SLC22A25: variants seen among roughly 807,000 people sequenced by gnomAD.
The protein encoded by SLC22A25 is solute carrier family 22 member 25.
In SLC22A25, 44 loss-of-function variants were observed where a neutral mutation model predicts 45.9. The observed-to-expected ratio is 0.96, with a 90% CI of 0.75 to 1.23. The LOEUF (loss-of-function observed/expected upper bound fraction) is 1.23, where lower values mean the gene tolerates loss of function less well. SLC22A25 is among the 50% of genes most tolerant of loss of function. The pLI is 0.00. For missense variants in SLC22A25, 800 were observed against 666.4 expected, an observed-to-expected ratio of 1.20 and a Z score of -2.21; for synonymous variants, 283 against 238.6, an observed-to-expected ratio of 1.19 and a Z score of -1.72.
At position 63,229,920 on chromosome 11, in the gene SLC22A25, G is replaced by A. The variant is rs2090037524; in HGVS notation, c.-268C>T. On this transcript the variant is annotated 5_prime_UTR_variant, in exon 4 of 12. Coordinates refer to ENST00000306494, the MANE Select transcript of SLC22A25 (RefSeq NM_199352.6). ...TACTTCCAACCATTTTCAATGAAAT[G>A]TGTTTAAACATTAGACATCTACTTA... is the stretch of plus-strand genomic sequence containing the variant. Among the ~76,000 whole-genome samples the A allele has an allele frequency of 6.6e-6, 1 of 152,174 alleles. No homozygotes were observed. The highest frequency in any genetic ancestry group is 1.5e-5 in the Non-Finnish European group (1 of 68,034).
At chr11:63,200,155 T>G (rs898148845) in intron 7 of SLC22A25, among the ~76,000 whole-genome samples, 4 of 151,788 alleles carry the variant, frequency 2.6e-5, no homozygotes, top group African/African-American at 9.7e-5. Flanking sequence ...ACTCATTCTA[T>G]GAGGGCAGCA....
At chr11:63,168,833 C>T (rs2087775843) in intron 9 of SLC22A25, among the ~76,000 whole-genome samples, 1 of 152,014 alleles carries the variant, frequency 6.6e-6, no homozygotes, top group South Asian at 2.1e-4. Flanking sequence ...TTAGATACTC[C>T]TTGAGAAGAG....
intron 5 of SLC22A25, among the ~76,000 whole-genome samples, chr11:63,221,359 G>A (rs1269615573): frequency 6.6e-6 from 1 of 152,006 alleles, no homozygotes; most frequent in East Asian, 1.9e-4. Flanking sequence ...GTTTTGATTT[G>A]CATTTTTTCT....
chr11:63,214,887 A>G (rs945577485), intron 7 of SLC22A25, among the ~76,000 whole-genome samples: 9 of 152,192 alleles, frequency 5.9e-5, no homozygotes, highest in African/African-American at 1.4e-4. Flanking sequence ...TCCCACAACA[A>G]TCTCACATCA....
At chr11:63,240,783 C>T (rs2134866419) in intron 1 of SLC22A25, among the ~76,000 whole-genome samples, 1 of 152,318 alleles carries the variant, frequency 6.6e-6, no homozygotes, top group East Asian at 1.9e-4. Flanking sequence ...AGAAGGTCTT[C>T]TGGAGCAGTA....
intron 3 of SLC22A25, among the ~76,000 whole-genome samples, chr11:63,234,677 A>G (rs1159682516): frequency 6.6e-6 from 1 of 152,172 alleles, no homozygotes; most frequent in African/African-American, 2.4e-5. Flanking sequence ...TGATCCTGTC[A>G]TTATGATGTT....
rs375716147 is a variant in SLC22A25 at position 63,235,377 on chromosome 11, C to T, written c.-445+2504G>A. On this transcript the variant is annotated intron_variant, in intron 3 of 11. Transcript: ENST00000306494. ...CTTTTTTTCTCTAAACTTCTCTTCA[C>T]GCTACATTTCATTCATTTGATCTTC... Among the ~76,000 whole-genome samples the T allele has an allele frequency of 3.9e-4, 59 of 152,270 alleles. 3 individuals are homozygous for T. The highest frequency in any genetic ancestry group is 2.3e-3 in the East Asian group (12 of 5,180).
chr11:63,217,800 G>GTGCTTTCCCTTTGCT, intron 5 of SLC22A25, 65 bp from the exon 6 acceptor site: 1 of 1,523,732 alleles, frequency 6.6e-7, no homozygotes, highest in Non-Finnish European at 8.8e-7. Context: ...TTAGCAAAGG[G>GTGCTTTCCCTTTGCT]AAAGCACACT....
intron 3 of SLC22A25, among the ~76,000 whole-genome samples, chr11:63,236,123 T>A (rs2090158839): frequency 6.6e-6 from 1 of 152,204 alleles, no homozygotes; most frequent in Non-Finnish European, 1.5e-5. Context: ...CTGCCTGTTC[T>A]CAGATCTCAA....
At chr11:63,187,989 T>C in intron 7 of SLC22A25, among the ~76,000 whole-genome samples, 1 of 152,204 alleles carries the variant, frequency 6.6e-6, no homozygotes, top group East Asian at 1.9e-4. Context: ...TCATCAGGGA[T>C]ATTGGTCTAA....
intron 9 of SLC22A25, among the ~76,000 whole-genome samples, chr11:63,179,498 A>T (rs1390238155): frequency 6.6e-6 from 1 of 151,994 alleles, no homozygotes; most frequent in East Asian, 1.9e-4. Flanking sequence ...GTAGATTCCT[A>T]ATTAGAGGGA....
At chr11:63,227,513 T>C (rs2089985682) in intron 5 of SLC22A25, among the ~76,000 whole-genome samples, 1 of 152,164 alleles carries the variant, frequency 6.6e-6, no homozygotes, top group Admixed American at 6.5e-5. Flanking sequence ...TGAGCTGGTA[T>C]CCAAGTTGTG....
At chr11:63,206,698 C>G in intron 7 of SLC22A25, among the ~76,000 whole-genome samples, 1 of 152,102 alleles carries the variant, frequency 6.6e-6, no homozygotes, top group East Asian at 1.9e-4. Context: ...TAAAAATGGC[C>G]ATACTGCCCA....
chr11:63,185,956 G>C (rs1285190347), intron 7 of SLC22A25, among the ~76,000 whole-genome samples: 2 of 151,846 alleles, frequency 1.3e-5, no homozygotes, highest in South Asian at 2.1e-4. Context: ...TTGGACATTT[G>C]GGTTGGTTCC....
intron 9 of SLC22A25, chr11:63,166,876 A>G: frequency 1.0e-6 from 1 of 985,318 alleles, no homozygotes; most frequent in East Asian, 1.1e-4. Context: ...TAGTCGATAG[A>G]GACAGCTGGC....
rs766079143 is a variant in SLC22A25 at position 63,180,790 on chromosome 11, G to C, written c.955-15C>G. 1.3e-5 allele frequency: 20 copies of C among 1,592,886 alleles called. No individual in the cohort carries two copies. The highest frequency in any genetic ancestry group is 1.3e-5 in the African/African-American group (1 of 74,384). The stretch of plus-strand genomic sequence containing the variant: ...GATTTCAAAACCTTCAACAACAACA[G>C]AAGCAATAAACTGTTCAGTTGTCAC... On this transcript the variant is annotated splice_polypyrimidine_tract_variant and intron_variant, in intron 8 of 11. Transcript: ENST00000306494.
intron 7 of SLC22A25, among the ~76,000 whole-genome samples, chr11:63,206,085 C>T (rs543903224): frequency 1.3e-5 from 2 of 152,270 alleles, no homozygotes; most frequent in African/African-American, 4.8e-5. Context: ...AAATTGAACA[C>T]CACTTCATGC....
At chr11:63,176,904 A>G (rs2088108288) in intron 9 of SLC22A25, among the ~76,000 whole-genome samples, 1 of 151,994 alleles carries the variant, frequency 6.6e-6, no homozygotes, top group Non-Finnish European at 1.5e-5. Context: ...TTAAACATGA[A>G]GGGTTCCCTT....
Position 63,163,901 on chromosome 11 carries a change from G to C in SLC22A25, c.1567C>G (p.Leu523Val), listed in dbSNP as rs1237861108. ...LLLPETRNQP[L>V]LDSIQDVENE... ...TCCACATCCTGGATGCTGTCAAGAA[G>C]AGGCTGGTTCCTGGTTTCAGGAAGG... is the stretch of plus-strand genomic sequence containing the variant. The change falls in exon 12 of 12, where the codon CTT (leucine) becomes GTT (valine). Residue 523 changes from leucine (L) to valine (V), a missense_variant. Transcript: ENST00000306494. The C allele has an allele frequency of 6.2e-7, 1 of 1,613,924 alleles. No homozygotes were observed. The highest frequency in any genetic ancestry group is 1.7e-5 in the Admixed American group (1 of 59,998).
Sources: gnomAD v4.1 joint callset for allele counts (sites outside exome capture counted in the v4.1 genomes callset) on GRCh38, gnomAD v4.1.1 for gene constraint, MANE v1.5 for transcripts, NCBI Gene and HGNC (gene_info 2026-07-23, HGNC 2026-07-21) for gene names.